The following KBTBD12 variants were observed in gnomAD, a reference collection of about 807,000 sequenced individuals.
KBTBD12 encodes the protein kelch repeat and BTB domain containing 12, also known as kelch repeat and BTB domain-containing protein 12.
In KBTBD12, 53 loss-of-function variants were observed where a neutral mutation model predicts 58.7. The observed-to-expected ratio is 0.90, with a 90% CI of 0.72 to 1.14. The LOEUF is 1.14. KBTBD12 is among the 50% of genes most tolerant of loss of function. The probability of loss-of-function intolerance (pLI) is 0.00; values close to 1 mark genes in which losing one functional copy is unlikely to be tolerated. For missense variants in KBTBD12, 704 were observed against 751.3 expected (o/e 0.94, Z 0.74); for synonymous variants, 236 against 259.8 (o/e 0.91, Z 0.88).
At chr3:127,946,490 G>A (rs1940085926) in intron 4 of KBTBD12, among the ~76,000 whole-genome samples, 1 of 152,172 alleles carries the variant, frequency 6.6e-6, no homozygotes, top group Non-Finnish European at 1.5e-5. Context: ...AAAAGCAAAT[G>A]TCAGTCTCAT....
intron 5 of KBTBD12, among the ~76,000 whole-genome samples, chr3:127,967,761 T>G (rs1940604255): frequency 6.6e-6 from 1 of 152,200 alleles, no homozygotes; most frequent in Non-Finnish European, 1.5e-5. Context: ...GTAAATATAG[T>G]GCATATAGTA....
chr3:127,935,713 T>A (rs1310442235), intron 4 of KBTBD12, among the ~76,000 whole-genome samples: 1 of 152,082 alleles, frequency 6.6e-6, no homozygotes, highest in Non-Finnish European at 1.5e-5. Flanking sequence ...AAATGGCAGA[T>A]GTATAGCCAG....
intron 5 of KBTBD12, among the ~76,000 whole-genome samples, chr3:127,972,512 T>G (rs1250631075): frequency 6.6e-6 from 1 of 152,190 alleles, no homozygotes; most frequent in East Asian, 1.9e-4. Flanking sequence ...AAGATACACA[T>G]ACAAACATGT....
chr3:127,926,219 A>C (rs2107590542), intron 2 of KBTBD12, among the ~76,000 whole-genome samples: 1 of 152,284 alleles, frequency 6.6e-6, no homozygotes, highest in Non-Finnish European at 1.5e-5. Flanking sequence ...GTGAAAACAA[A>C]AATCAGATTA....
At chr3:127,940,765 C>A (rs895583751) in intron 4 of KBTBD12, among the ~76,000 whole-genome samples, 1 of 151,660 alleles carries the variant, frequency 6.6e-6, no homozygotes, top group Admixed American at 6.6e-5. Flanking sequence ...TCAATGAAAC[C>A]AATCTGTTTC....
chr3:127,938,745 A>G (rs1193143389), intron 4 of KBTBD12, among the ~76,000 whole-genome samples: 1 of 152,212 alleles, frequency 6.6e-6, no homozygotes, highest in Non-Finnish European at 1.5e-5. Flanking sequence ...GTTTATTAAT[A>G]TTAGCAAAAA....
chr3:127,936,234 C>T (rs957945999), intron 4 of KBTBD12, among the ~76,000 whole-genome samples: 5 of 152,024 alleles, frequency 3.3e-5, no homozygotes, highest in Non-Finnish European at 7.4e-5. Flanking sequence ...GGTATGGTGG[C>T]ATATGCCTAT....
intron 3 of KBTBD12, among the ~76,000 whole-genome samples, chr3:127,928,834 T>C (rs1939636222): frequency 6.6e-6 from 1 of 152,276 alleles, no homozygotes; most frequent in Admixed American, 6.5e-5. Context: ...ATGATAAAAC[T>C]GATGCTATTT....
Position 127,915,494 on chromosome 3 carries a change from G to A in KBTBD12, c.-205G>A, listed in dbSNP as rs1939208690. 1 of 152,426 alleles carries A rather than the reference G, an allele frequency of 6.6e-6. No homozygotes were observed. The highest frequency in any genetic ancestry group is 2.4e-5 in the African/African-American group (1 of 41,474). 9.4% of individuals were successfully genotyped at this position (152,426 alleles called of 1,614,324 possible). Reference sequence around the variant, plus strand: ...AGGCCCATATTGGGCAGTGGCCTCAGTCAGGCCCGCTGGCCGCCCTGCCAC... The same window carrying A: ...AGGCCCATATTGGGCAGTGGCCTCAATCAGGCCCGCTGGCCGCCCTGCCAC... On this transcript the variant is annotated 5_prime_UTR_variant, in exon 1 of 6. Transcript: ENST00000405109.
intron 4 of KBTBD12, among the ~76,000 whole-genome samples, chr3:127,936,450 G>A (rs995278676): frequency 2.6e-5 from 4 of 151,874 alleles, no homozygotes; most frequent in Non-Finnish European, 4.4e-5. Context: ...GAATTGATAG[G>A]ATTAGACTGA....
At position 127,987,527 on chromosome 3, in the gene KBTBD12, G is replaced by A. The variant is rs1022778885; in HGVS notation, c.*3249G>A. ...GGAAACACAATAAGGAAGTAATTTG[G>A]ATGCTAGGCTGGCAGAAGCCTGCAG... On this transcript the variant is annotated 3_prime_UTR_variant, in exon 6 of 6. Coordinates refer to ENST00000405109, the MANE Select transcript of KBTBD12 (RefSeq NM_207335.4). The A allele has an allele frequency of 1.3e-5, 2 of 152,210 alleles. No homozygotes were observed. The highest frequency in any genetic ancestry group is 4.8e-5 in the African/African-American group (2 of 41,444). The allele number at this position is 152,210 out of a possible 1,614,324, so 9.4% of individuals were successfully genotyped here. A position where few individuals can be genotyped will look rare whatever the true frequency, so the allele number is the denominator to read the frequency against.
chr3:127,935,932 A>G (rs1939820497), intron 4 of KBTBD12, among the ~76,000 whole-genome samples: 1 of 152,242 alleles, frequency 6.6e-6, no homozygotes, highest in Non-Finnish European at 1.5e-5. Flanking sequence ...TGACTATATC[A>G]TCAGACAAAA....
intron 4 of KBTBD12, among the ~76,000 whole-genome samples, chr3:127,945,783 A>G (rs1337734880): frequency 6.7e-6 from 1 of 149,906 alleles, no homozygotes; most frequent in Non-Finnish European, 1.5e-5. Flanking sequence ...GGTTCAAGCG[A>G]CTTTTCTGCC....
chr3:127,958,304 G>C (rs966733744), intron 4 of KBTBD12, among the ~76,000 whole-genome samples: 20 of 152,162 alleles, frequency 1.3e-4, no homozygotes, highest in African/African-American at 4.6e-4. Context: ...CCTCTAGCCT[G>C]CTGTGGCATC....
At chr3:127,982,080 C>G (rs928120976) in intron 5 of KBTBD12, among the ~76,000 whole-genome samples, 7 of 152,314 alleles carry the variant, frequency 4.6e-5, no homozygotes, top group African/African-American at 1.4e-4. Flanking sequence ...CTGTGTCCTT[C>G]CAGGCTGGCC....
chr3:127,984,058 C>T, intron 5 of KBTBD12, 39 bp from the exon 6 acceptor site: 7 of 1,560,908 alleles, frequency 4.5e-6, no homozygotes, highest in Non-Finnish European at 6.2e-6. Flanking sequence ...ATTTAATACC[C>T]ACATGAGATT....
chr3:127,924,056 A>G lies in KBTBD12; in HGVS notation c.995A>G (p.Asn332Ser). ...TGTACTGGTGTTGTCATGGAAAATAATACTATAATTGTGGCTGGAGAAGCA... is the reference window on the plus strand; with the variant it reads ...TGTACTGGTGTTGTCATGGAAAATAGTACTATAATTGTGGCTGGAGAAGCA... ...TVCTGVVMEN[N>S]TIIVAGEASA... Residue 332 changes from asparagine to serine, a missense_variant, in exon 2 of 6, where the codon AAT becomes AGT. Transcript: ENST00000405109. 1 of 1,613,796 alleles carries G rather than the reference A, an allele frequency of 6.2e-7. No homozygotes were observed.
intron 5 of KBTBD12, among the ~76,000 whole-genome samples, chr3:127,970,411 C>T (rs1339114049): frequency 6.6e-6 from 1 of 152,132 alleles, no homozygotes; most frequent in Non-Finnish European, 1.5e-5. Flanking sequence ...ATGCAGCAAT[C>T]CCACTCCTAG....
intron 2 of KBTBD12, among the ~76,000 whole-genome samples, chr3:127,924,484 A>C (rs1939517371): frequency 6.6e-6 from 1 of 151,564 alleles, no homozygotes; most frequent in African/African-American, 2.4e-5. Flanking sequence ...GAATTTGCAT[A>C]AGTTAAATGT....
Sources: gnomAD v4.1 joint callset for allele counts (sites outside exome capture counted in the v4.1 genomes callset) on GRCh38, gnomAD v4.1.1 for gene constraint, MANE v1.5 for transcripts, NCBI Gene and HGNC (gene_info 2026-07-23, HGNC 2026-07-21) for gene names.